Variants in CHD9 observed in about 807,000 individuals in gnomAD.
CHD9 encodes the protein chromodomain helicase DNA binding protein 9, also known as ATP-dependent chromatin remodeler CHD9.
Under a neutral mutation model 316.1 loss-of-function variants are expected in CHD9, and 77 were observed. The observed-to-expected ratio is 0.24, with a 90% CI of 0.20 to 0.29. CHD9 has a LOEUF of 0.29. CHD9 is among the 10% of genes least tolerant of loss of function. The pLI is 1.00. For missense variants in CHD9, 2,763 were observed against 3,438.1 expected, an observed-to-expected ratio of 0.80 and a Z score of 4.91; for synonymous variants, 1,129 against 1,158.3, an observed-to-expected ratio of 0.97 and a Z score of 0.51.
chr16:53,115,996 T>G lies in CHD9; in HGVS notation c.-164-39930T>G, dbSNP rs111986600. Among the ~76,000 whole-genome samples, 971 of 152,312 alleles carry G rather than the reference T, an allele frequency of 6.4e-3. 9 individuals carry two copies. The highest frequency in any genetic ancestry group is 0.022 in the African/African-American group (914 of 41,562). ...GTGTGTTTGAGGAACAGACTCCAGG[T>G]GCTTTCAGTTATCTAGAAAGAGGAG... On this transcript the variant is annotated intron_variant, in intron 1 of 38. Coordinates refer to ENST00000447540, the MANE Select transcript of CHD9 (RefSeq NM_001308319.2).
At chr16:53,285,546 T>C in intron 24 of CHD9, 50 bp from the exon 25 acceptor site, 1 of 1,246,630 alleles carries the variant, frequency 8.0e-7, no homozygotes, top group South Asian at 1.4e-5. Context: ...TTGCCTCCTT[T>C]TTGACTCATT....
At chr16:53,278,726 G>A (rs1020548613) in intron 24 of CHD9, among the ~76,000 whole-genome samples, 59 of 152,248 alleles carry the variant, frequency 3.9e-4, no homozygotes, top group African/African-American at 1.4e-3. Flanking sequence ...CTCAAAAGAA[G>A]ACATTTATGC....
intron 1 of CHD9, among the ~76,000 whole-genome samples, chr16:53,128,983 A>C (rs2039093998): frequency 6.6e-6 from 1 of 152,196 alleles, no homozygotes; most frequent in African/African-American, 2.4e-5. Flanking sequence ...AGTAGTGAGG[A>C]AGGAGATAGC....
chr16:53,175,203 C>G (rs757878489), intron 2 of CHD9, among the ~76,000 whole-genome samples: 1 of 152,172 alleles, frequency 6.6e-6, no homozygotes, highest in Non-Finnish European at 1.5e-5. Flanking sequence ...AGGGCACCCT[C>G]TGAAGATCTC....
chr16:53,235,289 G>A lies in CHD9; in HGVS notation c.2616G>A (p.Leu872=). ...AACTGGAAGGACTCAACTGGCTCTTGTTCAATTGGTACAATAGGTATGTAG... is the reference window on the plus strand; with the variant it reads ...AACTGGAAGGACTCAACTGGCTCTTATTCAATTGGTACAATAGGTATGTAG... The part of the protein sequence containing the change: ...EYQLEGLNWL[L]FNWYNRRNCI... The change falls in exon 11 of 39, where the codon TTG becomes TTA. Residue 872 remains leucine (L), a synonymous_variant. Transcript: ENST00000447540. The A allele has an allele frequency of 6.5e-7, 1 of 1,547,536 alleles. No homozygotes were observed. The highest frequency in any genetic ancestry group is 8.7e-7 in the Non-Finnish European group (1 of 1,143,612).
chr16:53,201,843 A>AG (rs2045483352), intron 2 of CHD9, among the ~76,000 whole-genome samples: 1 of 150,670 alleles, frequency 6.6e-6, no homozygotes, highest in South Asian at 2.1e-4. Context: ...GATCAGTTTG[A>AG]GGTTTTTTTT....
At chr16:53,243,900 A>G (rs1003175353) in intron 13 of CHD9, among the ~76,000 whole-genome samples, 1 of 152,154 alleles carries the variant, frequency 6.6e-6, no homozygotes, top group African/African-American at 2.4e-5. Flanking sequence ...AAAGAACCAC[A>G]TTCTGTAAAA....
Position 53,304,199 on chromosome 16 carries a change from T to C in CHD9, c.6193T>C (p.Ser2065Pro), listed in dbSNP as rs975058617. Residue 2065 changes from serine to proline, a missense_variant, in exon 31 of 39, where the codon TCT becomes CCT. Coordinates refer to ENST00000447540, the MANE Select transcript of CHD9 (RefSeq NM_001308319.2). ...TCAGTCTTCTGAAGAAGAATCTATGTCTTCTGTGGAAACCAGGACACTAAT... is the reference window on the plus strand; with the variant it reads ...TCAGTCTTCTGAAGAAGAATCTATGCCTTCTGTGGAAACCAGGACACTAAT... ...EPQSSEEESMSSVETRTLIKS... is the reference protein window; with the variant it reads ...EPQSSEEESMPSVETRTLIKS... 6.2e-7 allele frequency: 1 copy of C among 1,611,544 alleles called. No homozygotes were observed. The highest frequency in any genetic ancestry group is 8.5e-7 in the Non-Finnish European group (1 of 1,178,742).
intron 10 of CHD9, among the ~76,000 whole-genome samples, chr16:53,233,949 TG>T (rs2048395066): frequency 6.6e-6 from 1 of 152,156 alleles, no homozygotes; most frequent in Non-Finnish European, 1.5e-5. Flanking sequence ...CCTACTCATT[TG>T]GGGCCAGGAT....
chr16:53,156,453 A>G lies in CHD9; in HGVS notation c.364A>G (p.Ser122Gly). Reference sequence around the variant, plus strand: ...TTTGTTTCCAGATGTATCAGATGGCAGTCCAATGTGGGGCCATCAGACAGC... The same window carrying G: ...TTTGTTTCCAGATGTATCAGATGGCGGTCCAATGTGGGGCCATCAGACAGC... ...NGLFPDVSDG[S>G]PMWGHQTATT... Residue 122 changes from serine (S) to glycine (G), a missense_variant, in exon 2 of 39, where the codon AGT becomes GGT. Physicochemically the swap from Ser to Gly is moderately conservative, Grantham distance 56. Around this residue, in one of 15 missense-constraint regions of CHD9, gnomAD observed 859 missense variants for 890.4 expected, o/e 0.96. Coordinates refer to ENST00000447540, the MANE Select transcript of CHD9 (RefSeq NM_001308319.2). 6.2e-7 allele frequency: 1 copy of G among 1,614,012 alleles called. No individual in the cohort carries two copies. The highest frequency in any genetic ancestry group is 8.5e-7 in the Non-Finnish European group (1 of 1,179,892).
intron 22 of CHD9, among the ~76,000 whole-genome samples, chr16:53,269,218 C>A (rs2051984247): frequency 6.6e-6 from 1 of 152,106 alleles, no homozygotes; most frequent in African/African-American, 2.4e-5. Context: ...ACAGAACATT[C>A]TTTTTTGCAT....
In CHD9 at chr16:53,286,303, G is replaced by A; in HGVS notation, c.5149G>A (p.Ala1717Thr). ...LERVGKPDEK[A>T]VAAEQRANDY... ...AAGAGTGGGAAAACCTGATGAGAAA[G>A]CAGTTGCTGCTGAACAGAGAGCGAA... The change falls in exon 26 of 39, where the codon GCA becomes ACA. Residue 1717 changes from alanine to threonine, a missense_variant. Coordinates refer to ENST00000447540, the MANE Select transcript of CHD9 (RefSeq NM_001308319.2). 6.2e-7 allele frequency: 1 copy of A among 1,612,588 alleles called. No individual in the cohort carries two copies. Among genetic ancestry groups the A allele is most frequent in the Non-Finnish European group, 8.5e-7 (1 of 1,178,754 alleles).
chr16:53,121,375 G>A, intron 1 of CHD9: 1 of 456,048 alleles, frequency 2.2e-6, no homozygotes, highest in Non-Finnish European at 4.4e-6. Flanking sequence ...GATGCTCGGG[G>A]ATATTTTATC....
At chr16:53,272,918 ATC>A (rs1460988983) in intron 22 of CHD9, among the ~76,000 whole-genome samples, 1 of 152,012 alleles carries the variant, frequency 6.6e-6, no homozygotes, top group Non-Finnish European at 1.5e-5. Flanking sequence ...GTGAAACCCT[ATC>A]TCTACTAAAA....
At chr16:53,277,054 A>G (rs1006497668) in intron 24 of CHD9, among the ~76,000 whole-genome samples, 1 of 152,162 alleles carries the variant, frequency 6.6e-6, no homozygotes, top group African/African-American at 2.4e-5. Context: ...AGCTTAAATC[A>G]GGAAGAATTA....
intron 34 of CHD9, among the ~76,000 whole-genome samples, chr16:53,312,591 T>G (rs888381359): frequency 1.3e-5 from 2 of 152,170 alleles, no homozygotes; most frequent in Admixed American, 1.3e-4. Context: ...GGGACAGATG[T>G]GTAGATCAAA....
chr16:53,312,581 G>A (rs1045640466), intron 34 of CHD9, among the ~76,000 whole-genome samples: 4 of 152,138 alleles, frequency 2.6e-5, no homozygotes, highest in Non-Finnish European at 5.9e-5. Flanking sequence ...AATTCTTACT[G>A]GGACAGATGT....
chr16:53,110,666 G>A (rs1216404614), intron 1 of CHD9, among the ~76,000 whole-genome samples: 1 of 152,196 alleles, frequency 6.6e-6, no homozygotes, highest in African/African-American at 2.4e-5. Flanking sequence ...GGAGGCTGAG[G>A]CAGGAGAATC....
intron 22 of CHD9, among the ~76,000 whole-genome samples, chr16:53,269,745 G>A (rs919522271): frequency 2.0e-5 from 3 of 152,046 alleles, no homozygotes; most frequent in African/African-American, 7.2e-5. Flanking sequence ...TATCGGATTA[G>A]GAGTGAATAG....
Sources: gnomAD v4.1 joint callset for allele counts (sites outside exome capture counted in the v4.1 genomes callset) on GRCh38, gnomAD v4.1.1 for gene constraint, gnomAD v4.1.1 regional missense constraint, MANE v1.5 for transcripts, NCBI Gene and HGNC (gene_info 2026-07-23, HGNC 2026-07-21) for gene names.